Variants in MGAM2 observed in about 807,000 individuals in gnomAD.
MGAM2 encodes probable maltase-glucoamylase 2.
In MGAM2, 98 loss-of-function variants were observed where a neutral mutation model predicts 96.1. That is an observed-to-expected ratio of 1.02 (90% confidence interval 0.87 to 1.21). The LOEUF (loss-of-function observed/expected upper bound fraction) is 1.21, where lower values mean the gene tolerates loss of function less well. MGAM2 is among the 50% of genes most tolerant of loss of function. MGAM2 has a pLI of 0.00. For synonymous variants in MGAM2, 749 were observed against 414.8 expected (o/e 1.81, Z -9.79); for missense variants, 2,055 against 1,182.4 (o/e 1.74, Z -10.82).
At chr7:142,116,806 A>G in intron 1 of MGAM2, 68 bp from the exon 2 acceptor site, 1 of 697,332 alleles carries the variant, frequency 1.4e-6, no homozygotes, top group Non-Finnish European at 2.6e-6. Flanking sequence ...GGATACAATG[A>G]TTATGTATCC....
chr7:142,115,749 G>A (rs1817370420), intron 1 of MGAM2, among the ~76,000 whole-genome samples: 1 of 152,164 alleles, frequency 6.6e-6, no homozygotes, highest in African/African-American at 2.4e-5. Flanking sequence ...GGAGGCTGAG[G>A]CAGGAGAATT....
At position 142,131,535 on chromosome 7, in the gene MGAM2, A is replaced by C; in HGVS notation, c.328A>C (p.Lys110Gln). Reference protein sequence around the residue: ...NTSTGFTAQLKRLPSPSLFGN... With the variant: ...NTSTGFTAQLQRLPSPSLFGN... ...ACCCCTAGGATTTACTGCCCAGTTG[A>C]AAAGGTTGCCATCACCATCTCTGTT... The change falls in exon 5 of 48, where the codon AAA becomes CAA. Residue 110 changes from lysine to glutamine, a missense_variant. Physicochemically the swap from Lys to Gln is moderately conservative, Grantham distance 53. Coordinates refer to ENST00000477922, the MANE Select transcript of MGAM2 (RefSeq NM_001293626.2). 1.4e-6 allele frequency: 1 copy of C among 702,956 alleles called. No individual in the cohort carries two copies. The highest frequency in any genetic ancestry group is 2.6e-6 in the Non-Finnish European group (1 of 384,920). 43.5% of individuals were successfully genotyped at this position (702,956 alleles called of 1,614,324 possible). A position where few individuals can be genotyped will look rare whatever the true frequency, so the allele number is the denominator to read the frequency against.
chr7:142,160,870 T>C (rs1031433865), intron 21 of MGAM2, among the ~76,000 whole-genome samples: 3 of 152,130 alleles, frequency 2.0e-5, no homozygotes, highest in Non-Finnish European at 4.4e-5. Context: ...ATGAGGCTAA[T>C]TGTTGGTATT....
At position 142,220,168 on chromosome 7, in the gene MGAM2, C is replaced by A. The variant is rs368137958; in HGVS notation, c.5657C>A (p.Thr1886Lys). Reference sequence around the variant, plus strand: ...CCTGATACAACTTCTCCTTTCCCTACAAGTACTACTAATGCTAGCACTAAT... The same window carrying A: ...CCTGATACAACTTCTCCTTTCCCTAAAAGTACTACTAATGCTAGCACTAAT... ...TVPDTTSPFP[T>K]STTNASTNAT... The change falls in exon 48 of 48, where the codon ACA (threonine) becomes AAA (lysine). Residue 1886 changes from threonine to lysine, a missense_variant. Coordinates refer to ENST00000477922, the MANE Select transcript of MGAM2 (RefSeq NM_001293626.2). 4 of 702,902 alleles carry A rather than the reference C, an allele frequency of 5.7e-6. No homozygotes were observed. The African/African-American group carries it at 7.0e-5, about 12-fold the overall frequency. 43.5% of individuals were successfully genotyped at this position (702,902 alleles called of 1,614,324 possible). A position where few individuals can be genotyped will look rare whatever the true frequency, so the allele number is the denominator to read the frequency against.
At chr7:142,206,644 T>TTAACTTTCTATTACTG (rs1484568151) in intron 45 of MGAM2, among the ~76,000 whole-genome samples, 60 of 152,330 alleles carry the variant, frequency 3.9e-4, no homozygotes, top group African/African-American at 1.4e-3. Flanking sequence ...CTACAAGATT[T>TTAACTTTCTATTACTG]TAACTTTCTA....
rs772617552 is a variant in MGAM2, at chr7:142,148,713, C to T, written c.1634+1140C>T. On this transcript the variant is annotated intron_variant, in intron 15 of 47. Transcript: ENST00000477922. This position sits in a 1 kb window ranked among gnomAD's most constrained non-coding sequence, Gnocchi z 4.2. ...CACAGATGCGGAAACTAAAGAGCTG[C>T]TGTGGATCCTCCAGTGGCTTAGGAA... Among the ~76,000 whole-genome samples, 2 of 152,158 alleles carry T rather than the reference C, an allele frequency of 1.3e-5. No individual in the cohort carries two copies. Among genetic ancestry groups the T allele is most frequent in the Non-Finnish European group, 2.9e-5 (2 of 68,030 alleles).
At chr7:142,138,225 T>C (rs953552628) in intron 9 of MGAM2, among the ~76,000 whole-genome samples, 3 of 152,092 alleles carry the variant, frequency 2.0e-5, no homozygotes, top group African/African-American at 7.3e-5. Flanking sequence ...TCTGTGCCAC[T>C]ATATTCCAAG....
rs555757719 is a variant in MGAM2, at chr7:142,170,934, T to G, written c.3183-338T>G. ...AGTTTCATGCTTTTCTATTGGAAAG[T>G]TTGCTTAAACTCTATTTGTTTATTT... On this transcript the variant is annotated intron_variant, in intron 27 of 47. Transcript: ENST00000477922. Among the ~76,000 whole-genome samples the G allele has an allele frequency of 3.9e-5, 6 of 152,290 alleles. No homozygotes were observed. The South Asian group carries it at 1.0e-3, about 26-fold the overall frequency.
chr7:142,174,708 T>C (rs958615784), intron 31 of MGAM2, among the ~76,000 whole-genome samples: 10 of 127,760 alleles, frequency 7.8e-5, no homozygotes, highest in African/African-American at 3.5e-4. Context: ...TATTTCTCTC[T>C]CTCTCTCTTT....
intron 45 of MGAM2, among the ~76,000 whole-genome samples, chr7:142,200,531 C>T (rs1428244326): frequency 2.0e-5 from 3 of 152,236 alleles, no homozygotes; most frequent in Admixed American, 2.0e-4. Flanking sequence ...TGAGATTTGT[C>T]ATTATCATCA....
chr7:142,177,009 T>C (rs1796399712), intron 32 of MGAM2, among the ~76,000 whole-genome samples: 1 of 151,784 alleles, frequency 6.6e-6, no homozygotes. Context: ...GGGTTAAACT[T>C]TTTTTAACTT....
chr7:142,152,687 G>A (rs990593964), intron 15 of MGAM2, among the ~76,000 whole-genome samples: 4 of 152,156 alleles, frequency 2.6e-5, no homozygotes, highest in Non-Finnish European at 4.4e-5. Flanking sequence ...ATTAGAAAGC[G>A]GGAAAGAAGA....
At position 142,134,059 on chromosome 7, in the gene MGAM2, G is replaced by A. The variant is rs771753991; in HGVS notation, c.654G>A (p.Val218=). The A allele has an allele frequency of 9.2e-6, 7 of 761,104 alleles. No individual in the cohort carries two copies. Among genetic ancestry groups the A allele is most frequent in the Non-Finnish European group, 1.7e-5 (7 of 415,516 alleles). 47.1% of individuals were successfully genotyped at this position (761,104 alleles called of 1,614,324 possible). Residue 218 remains valine (V), a synonymous_variant, in exon 7 of 48, where the codon GTG becomes GTA. Transcript: ENST00000477922. ...QLSFRLPSAN[V]YGLGEHVHQQ... is the part of the protein sequence containing the mutation. Reference sequence around the variant, plus strand: ...CTTTCCGACTGCCCAGTGCCAATGTGTATGGGCTGGGAGAGCATGTGCACC... The same window carrying A: ...CTTTCCGACTGCCCAGTGCCAATGTATATGGGCTGGGAGAGCATGTGCACC...
chr7:142,220,965 G>A lies in MGAM2; in HGVS notation c.6454G>A (p.Ala2152Thr), dbSNP rs1797908497. ...STPVQTNTTNASTSTNVANIT... is the reference protein window; with the variant it reads ...STPVQTNTTNTSTSTNVANIT... ...TCCTGTTCAAACAAATACTACTAAT[G>A]CTAGCACTAGTACTAATGTTGCTAA... is the stretch of plus-strand genomic sequence containing the variant. The change falls in exon 48 of 48, where the codon GCT becomes ACT. Residue 2152 changes from alanine (A) to threonine (T), a missense_variant. Physicochemically the swap from Ala to Thr is moderately conservative, Grantham distance 58. Transcript: ENST00000477922. 1 of 701,938 alleles carries A rather than the reference G, an allele frequency of 1.4e-6. No individual in the cohort carries two copies. Among genetic ancestry groups the A allele is most frequent in the Non-Finnish European group, 2.6e-6 (1 of 384,646 alleles). The allele number at this position is 701,938 out of a possible 1,614,324, so 43.5% of individuals were successfully genotyped here. A position where few individuals can be genotyped will look rare whatever the true frequency, so the allele number is the denominator to read the frequency against.
At chr7:142,152,038 A>G (rs1795594392) in intron 15 of MGAM2, among the ~76,000 whole-genome samples, 1 of 151,702 alleles carries the variant, frequency 6.6e-6, no homozygotes. Flanking sequence ...TCTAGGCTGA[A>G]AGCCGAAGGA....
chr7:142,200,468 G>A (rs916865122), intron 45 of MGAM2, among the ~76,000 whole-genome samples: 1 of 152,128 alleles, frequency 6.6e-6, no homozygotes, highest in Non-Finnish European at 1.5e-5. Flanking sequence ...ATATTAATTT[G>A]TATGTTTCCT....
At chr7:142,189,712 A>G (rs1274691258) in intron 37 of MGAM2, among the ~76,000 whole-genome samples, 1 of 152,226 alleles carries the variant, frequency 6.6e-6, no homozygotes, top group Non-Finnish European at 1.5e-5. Context: ...CAATTAGGTA[A>G]TGTTTAGTAT....
chr7:142,137,357 C>T, intron 8 of MGAM2, 76 bp from the exon 9 acceptor site: 1 of 572,862 alleles, frequency 1.7e-6, no homozygotes, highest in Non-Finnish European at 3.1e-6. Context: ...TTTTAGGTGG[C>T]TCAACTATTT....
At chr7:142,203,382 T>C (rs145565640) in intron 45 of MGAM2, among the ~76,000 whole-genome samples, 215 of 152,160 alleles carry the variant, frequency 1.4e-3, no homozygotes, top group South Asian at 3.1e-3. Context: ...ACAAGACACA[T>C]AAATGGAAAA....
Sources: allele counts gnomAD v4.1 joint callset (sites outside exome capture counted in the v4.1 genomes callset), GRCh38; gene constraint gnomAD v4.1.1; non-coding constraint Gnocchi (gnomAD v3.1); transcripts MANE v1.5; gene names NCBI Gene and HGNC (gene_info 2026-07-23, HGNC 2026-07-21).